Variants in LUZP1 observed in about 807,000 individuals in gnomAD.
LUZP1 encodes the protein filamin mechanobinding actin cross-linking protein.
A neutral mutation model predicts 71.3 loss-of-function variants in LUZP1; 25 were observed. The observed-to-expected ratio is 0.35, with a 90% CI of 0.26 to 0.49. The LOEUF is 0.49. Among genes scored for constraint, LUZP1 ranks in the 20% least tolerant of loss-of-function variants. LUZP1 has a pLI of 0.99. For synonymous variants in LUZP1, 481 were observed against 506.4 expected, an observed-to-expected ratio of 0.95 and a Z score of 0.67; for missense variants, 1,142 against 1,300.8, an observed-to-expected ratio of 0.88 and a Z score of 1.88.
In LUZP1 at chr1:23,090,730, A is replaced by C. The variant is rs1332894374; in HGVS notation, c.3072+460T>G. The C allele has an allele frequency of 4.7e-6, 3 of 640,978 alleles. No homozygotes were observed. In the African/African-American group the frequency reaches 5.5e-5, roughly 12 times the overall value. 39.7% of individuals were successfully genotyped at this position (640,978 alleles called of 1,614,324 possible). ...CCTGAGAGGCCAGCAGCCTGTGAAG[A>C]TCTGCTAACTGAGGCGGCCGAGAAC... On this transcript the variant is annotated intron_variant, in intron 4 of 4. Coordinates refer to ENST00000302291, the Ensembl canonical transcript of LUZP1.
intron 1 of LUZP1, among the ~76,000 whole-genome samples, chr1:23,169,517 T>C (rs1644538174): frequency 6.6e-6 from 1 of 152,162 alleles, no homozygotes; most frequent in Admixed American, 6.5e-5. Context: ...GAGGCATGGG[T>C]TCCCGTCCCC....
chr1:23,170,020 T>C (rs1644540778), intron 1 of LUZP1, among the ~76,000 whole-genome samples: 1 of 152,016 alleles, frequency 6.6e-6, no homozygotes, highest in Non-Finnish European at 1.5e-5. Flanking sequence ...CAAACTTCTC[T>C]TAGCACACCC....
chr1:23,116,608 GA>G (rs1427703990), intron 2 of LUZP1, among the ~76,000 whole-genome samples: 1 of 150,520 alleles, frequency 6.6e-6, no homozygotes, highest in Non-Finnish European at 1.5e-5. Flanking sequence ...GCAAAGAGAA[GA>G]AAAAAGAGAA....
At chr1:23,172,534 G>T (rs1287058103) in intron 1 of LUZP1, among the ~76,000 whole-genome samples, 4 of 147,802 alleles carry the variant, frequency 2.7e-5, no homozygotes, top group African/African-American at 5.0e-5. Context: ...TTTTTTTTTA[G>T]ACAGAGGTCA....
At chr1:23,126,274 CTAAATAGTGACTAAAACACACTA>C (rs1644171239) in intron 2 of LUZP1, among the ~76,000 whole-genome samples, 1 of 152,106 alleles carries the variant, frequency 6.6e-6, no homozygotes, top group Non-Finnish European at 1.5e-5. Flanking sequence ...AAGGGCCCTT[CTAAATAGTGACTAAAACACACTA>C]TGTTGGCTCC....
At chr1:23,089,098 T>C in intron 4 of LUZP1, 45 bp from the exon 4 acceptor site, 1 of 1,595,066 alleles carries the variant, frequency 6.3e-7, no homozygotes, top group Non-Finnish European at 8.6e-7. Flanking sequence ...GTCAGTAAAG[T>C]GAGGACCGAG....
chr1:23,163,449 C>T (rs540508832), intron 2 of LUZP1, among the ~76,000 whole-genome samples: 10 of 150,266 alleles, frequency 6.7e-5, no homozygotes, highest in Non-Finnish European at 1.2e-4. Flanking sequence ...CCCAGCTAAT[C>T]GGAGGCTGAG....
chr1:23,154,727 T>TTTG (rs58148210), intron 2 of LUZP1, among the ~76,000 whole-genome samples: 3 of 148,890 alleles, frequency 2.0e-5, no homozygotes, highest in Non-Finnish European at 4.5e-5. Context: ...TTTTTTTTTT[T>TTTG]GTATTTTTAG....
intron 2 of LUZP1, among the ~76,000 whole-genome samples, chr1:23,128,277 T>C (rs1644188385): frequency 6.6e-6 from 1 of 151,864 alleles, no homozygotes; most frequent in Non-Finnish European, 1.5e-5. Flanking sequence ...AATTCATTAC[T>C]ATGGGAATTT....
chr1:23,177,992 A>AGC (rs1460189627), upstream of LUZP1, among the ~76,000 whole-genome samples: 6 of 152,236 alleles, frequency 3.9e-5, no homozygotes, highest in Non-Finnish European at 7.3e-5. Flanking sequence ...CTACCCCGGG[A>AGC]GCGCAGCCAG....
intron 1 of LUZP1, among the ~76,000 whole-genome samples, chr1:23,173,372 T>C (rs1218428507): frequency 3.5e-5 from 4 of 115,496 alleles, no homozygotes; most frequent in East Asian, 2.6e-4. Context: ...TTTTTTTTTT[T>C]CAGATAGAGT....
intron 2 of LUZP1, among the ~76,000 whole-genome samples, chr1:23,158,381 T>G (rs556914265): frequency 6.6e-6 from 1 of 152,334 alleles, no homozygotes; most frequent in Non-Finnish European, 1.5e-5. Flanking sequence ...CTAGGCGCAG[T>G]GGCTCACGCC....
chr1:23,089,082 G>A (rs769597173), intron 4 of LUZP1, 29 bp from the exon 4 acceptor site: 17 of 1,610,074 alleles, frequency 1.1e-5, no homozygotes, highest in East Asian at 2.2e-5. Context: ...AAAGTGAGCT[G>A]TGGAGGTCAG....
At chr1:23,177,073 T>TG (rs10548114) in intron 1 of LUZP1, among the ~76,000 whole-genome samples, 2,357 of 144,232 alleles carry the variant, frequency 0.016, 13 homozygotes, top group South Asian at 0.036. Flanking sequence ...GTAAGGATGA[T>TG]GGGGGGGGGG....
At chr1:23,091,001 A>T (rs931896006) in intron 4 of LUZP1, 189 bp downstream of exon 3, 24 of 730,866 alleles carry the variant, frequency 3.3e-5, no homozygotes, top group Non-Finnish European at 5.8e-5. Flanking sequence ...TTGGAAAGTG[A>T]TGCTGCCAAA....
intron 2 of LUZP1, among the ~76,000 whole-genome samples, chr1:23,109,951 T>C (rs1465558476): frequency 1.3e-5 from 2 of 152,094 alleles, no homozygotes; most frequent in East Asian, 1.9e-4. Flanking sequence ...TTCTAGAAGA[T>C]AGGAAAAAAA....
chr1:23,173,590 C>A (rs1252086824), intron 1 of LUZP1, among the ~76,000 whole-genome samples: 1 of 152,018 alleles, frequency 6.6e-6, no homozygotes. Flanking sequence ...CTTCTGAGCT[C>A]AAGCCATCCA....
At chr1:23,144,538 C>CT (rs1644328273) in intron 2 of LUZP1, among the ~76,000 whole-genome samples, 1 of 152,130 alleles carries the variant, frequency 6.6e-6, no homozygotes, top group Admixed American at 6.6e-5. Context: ...CTCATTTTAC[C>CT]TTTTTTCACA....
intron 2 of LUZP1, among the ~76,000 whole-genome samples, chr1:23,142,698 TATACACACACACACACACAC>T (rs1238678727): frequency 1.8e-4 from 18 of 101,406 alleles, no homozygotes; most frequent in African/African-American, 2.3e-4. Flanking sequence ...TATATATATA[TATACACACACACACACACAC>T]ACACACACAC....
Sources: gnomAD v4.1 joint callset for allele counts (sites outside exome capture counted in the v4.1 genomes callset) on GRCh38, gnomAD v4.1.1 for gene constraint, MANE v1.5 for transcripts, NCBI Gene and HGNC (gene_info 2026-07-23, HGNC 2026-07-21) for gene names.